CMIP: variants seen among roughly 807,000 people sequenced by gnomAD.
CMIP encodes C-Maf-inducing protein.
A neutral mutation model predicts 97.3 loss-of-function variants in CMIP; 13 were observed. The ratio of observed to expected loss-of-function variants is 0.13; its 90% CI spans 0.09 to 0.21. The LOEUF is 0.21. Ranked by LOEUF, CMIP falls within the 10% of genes least tolerant of loss-of-function variation. CMIP has a pLI of 1.00. For synonymous variants in CMIP, 538 were observed against 436.3 expected (o/e 1.23, Z -2.91); for missense variants, 847 against 1,024.9 (o/e 0.83, Z 2.37).
intron 2 of CMIP, among the ~76,000 whole-genome samples, chr16:81,615,179 C>T (rs553885624): frequency 2.1e-4 from 16 of 76,762 alleles, no homozygotes; most frequent in South Asian, 9.6e-4. Flanking sequence ...GTATGTGGTA[C>T]GTGTATGTGT....
intron 1 of CMIP, among the ~76,000 whole-genome samples, chr16:81,515,887 C>G (rs2089903116): frequency 6.6e-6 from 1 of 152,192 alleles, no homozygotes; most frequent in African/African-American, 2.4e-5. Flanking sequence ...CTACCTCCCT[C>G]AGTCTCCAGA....
At chr16:81,483,295 G>C (rs904977609) in intron 1 of CMIP, among the ~76,000 whole-genome samples, 1 of 150,734 alleles carries the variant, frequency 6.6e-6, no homozygotes, top group Non-Finnish European at 1.5e-5. Context: ...TCCACAGCAT[G>C]TGCAAAGGCC....
At chr16:81,462,934 G>C (rs1407343686) in intron 1 of CMIP, among the ~76,000 whole-genome samples, 1 of 152,170 alleles carries the variant, frequency 6.6e-6, no homozygotes, top group East Asian at 1.9e-4. Context: ...AACGATTAAA[G>C]AATACTAAGC....
At chr16:81,663,693 C>T (rs752062482) in intron 6 of CMIP, among the ~76,000 whole-genome samples, 1 of 152,166 alleles carries the variant, frequency 6.6e-6, no homozygotes, top group Non-Finnish European at 1.5e-5. Context: ...ACAGGGTATA[C>T]GTGCTACATT....
At chr16:81,668,548 G>A (rs1030201535) in intron 7 of CMIP, among the ~76,000 whole-genome samples, 1 of 152,110 alleles carries the variant, frequency 6.6e-6, no homozygotes, top group African/African-American at 2.4e-5. Flanking sequence ...GCCCTCAGCC[G>A]GCACAGGCAG....
intron 1 of CMIP, among the ~76,000 whole-genome samples, chr16:81,481,726 A>G (rs1020305505): frequency 1.3e-5 from 2 of 152,100 alleles, no homozygotes; most frequent in African/African-American, 2.4e-5. Context: ...TAGGGGCTAA[A>G]GTTGAGGTGT....
chr16:81,635,680 A>G (rs1167000800), intron 3 of CMIP, among the ~76,000 whole-genome samples: 1 of 152,240 alleles, frequency 6.6e-6, no homozygotes, highest in East Asian at 1.9e-4. Flanking sequence ...CCATGGAGAA[A>G]GAGATGAAAT....
At chr16:81,548,129 ACTTTTTTTTTTTT>A in intron 1 of CMIP, among the ~76,000 whole-genome samples, 2 of 111,558 alleles carry the variant, frequency 1.8e-5, no homozygotes, top group Non-Finnish European at 3.6e-5. Flanking sequence ...AGGATGGATC[ACTTTTTTTTTTTT>A]TTTTTTTTTG....
At chr16:81,660,756 A>G in intron 5 of CMIP, 128 bp from the exon 6 acceptor site, 1 of 962,486 alleles carries the variant, frequency 1.0e-6, no homozygotes, top group Non-Finnish European at 1.7e-6. Flanking sequence ...TTTAATATGA[A>G]TGATGTGATG....
rs1478810735 is a variant in CMIP at position 81,444,851 on chromosome 16, G to T, written c.-391G>T. Among the ~76,000 whole-genome samples the T allele has an allele frequency of 1.4e-5, 2 of 142,872 alleles. No homozygotes were observed. The highest frequency in any genetic ancestry group is 5.0e-5 in the African/African-American group (2 of 39,664). 93.7% of individuals were successfully genotyped at this position (142,872 alleles called of 152,430 possible). Reference sequence around the variant, plus strand: ...GCGCGGACACACGCTCTGTACACACGCGCGCGGCGGCGCGGGGCCCCGAGA... The same window carrying T: ...GCGCGGACACACGCTCTGTACACACTCGCGCGGCGGCGCGGGGCCCCGAGA... On this transcript the variant is annotated 5_prime_UTR_variant, in exon 1 of 21. Transcript: ENST00000537098.
chr16:81,522,877 C>T (rs1031233229), intron 1 of CMIP, among the ~76,000 whole-genome samples: 4 of 151,882 alleles, frequency 2.6e-5, no homozygotes, highest in Non-Finnish European at 5.9e-5. Context: ...AATATTTTTA[C>T]ACACACACAC....
chr16:81,572,606 C>T (rs954679171), intron 1 of CMIP, among the ~76,000 whole-genome samples: 1 of 152,180 alleles, frequency 6.6e-6, no homozygotes, highest in Non-Finnish European at 1.5e-5. Flanking sequence ...GACTGGGGCT[C>T]TGAGAAGCGA....
chr16:81,476,135 G>A, intron 1 of CMIP: 1 of 992,022 alleles, frequency 1.0e-6, no homozygotes, highest in Non-Finnish European at 1.6e-6. Context: ...CACCTTGCCG[G>A]AGACCACGTG....
At chr16:81,471,555 GCA>G (rs1424070284) in intron 1 of CMIP, among the ~76,000 whole-genome samples, 9 of 151,108 alleles carry the variant, frequency 6.0e-5, no homozygotes, top group East Asian at 1.9e-4. Context: ...ACACACATGT[GCA>G]CACACACATG....
chr16:81,471,894 G>A (rs1208011833), intron 1 of CMIP, among the ~76,000 whole-genome samples: 1 of 152,224 alleles, frequency 6.6e-6, no homozygotes, highest in African/African-American at 2.4e-5. Flanking sequence ...CAGCAGGACA[G>A]TGTGGGATTG....
intron 1 of CMIP, among the ~76,000 whole-genome samples, chr16:81,603,977 G>C (rs1415400331): frequency 1.3e-5 from 2 of 152,192 alleles, no homozygotes; most frequent in African/African-American, 4.8e-5. Flanking sequence ...AACTCAGAGA[G>C]GGGGAGTAAC....
rs780087852 is a variant in CMIP, at chr16:81,678,596, G to T, written c.1356G>T (p.Thr452=). ...AGCTGGGCCCCCAGGCCGACCGCAC[G>T]CTCGGCTGCTACGTGGAAATCCTCA... The part of the protein sequence containing the change: ...SIELGPQADR[T]LGCYVEILKL... The change falls in exon 10 of 21, where the codon ACG becomes ACT. Residue 452 remains threonine (T), a synonymous_variant. Coordinates refer to ENST00000537098, the MANE Select transcript of CMIP (RefSeq NM_198390.3). 2 of 1,596,218 alleles carry T rather than the reference G, an allele frequency of 1.3e-6. No individual in the cohort carries two copies. The highest frequency in any genetic ancestry group is 8.5e-7 in the Non-Finnish European group (1 of 1,169,828).
intron 1 of CMIP, among the ~76,000 whole-genome samples, chr16:81,601,336 G>C (rs981532087): frequency 6.6e-6 from 1 of 152,150 alleles, no homozygotes; most frequent in Admixed American, 6.5e-5. Flanking sequence ...GGGCAGGAGG[G>C]AGCTGGCTCA....
intron 1 of CMIP, among the ~76,000 whole-genome samples, chr16:81,537,396 A>G (rs1229766857): frequency 1.3e-5 from 2 of 151,896 alleles, no homozygotes; most frequent in African/African-American, 4.8e-5. Context: ...TTAGCCAGGC[A>G]TGGTGGCACG....
Sources: allele counts gnomAD v4.1 joint callset (sites outside exome capture counted in the v4.1 genomes callset), GRCh38; gene constraint gnomAD v4.1.1; transcripts MANE v1.5; gene names NCBI Gene and HGNC (gene_info 2026-07-23, HGNC 2026-07-21).